The following RALA variants were observed in gnomAD, a reference collection of about 807,000 sequenced individuals.
The protein encoded by RALA is ras-related protein Ral-A.
In RALA, 5 loss-of-function variants were observed where a neutral mutation model predicts 24.0. The observed-to-expected ratio is 0.21, with a 90% CI of 0.11 to 0.44. RALA has a LOEUF of 0.44. Ranked by LOEUF, RALA falls within the 20% of genes least tolerant of loss-of-function variation. RALA has a pLI of 0.99. For missense variants in RALA, 95 were observed against 241.2 expected, an observed-to-expected ratio of 0.39 and a Z score of 4.01; for synonymous variants, 77 against 83.8, an observed-to-expected ratio of 0.92 and a Z score of 0.44.
chr7:39,642,021 G>A (rs1791826305), intron 1 of RALA, among the ~76,000 whole-genome samples: 1 of 152,140 alleles, frequency 6.6e-6, no homozygotes, highest in Admixed American at 6.5e-5. Flanking sequence ...TGTCAGAGTT[G>A]GAACAGCCCT....
intron 1 of RALA, among the ~76,000 whole-genome samples, chr7:39,670,571 C>T (rs1377489844): frequency 1.3e-5 from 2 of 152,162 alleles, no homozygotes; most frequent in Non-Finnish European, 2.9e-5. Flanking sequence ...ATGTATCCTT[C>T]CAGAATTAGC....
chr7:39,688,364 A>G (rs1241648751), intron 2 of RALA, among the ~76,000 whole-genome samples: 1 of 151,260 alleles, frequency 6.6e-6, no homozygotes, highest in Non-Finnish European at 1.5e-5. Context: ...ACTGCATTCC[A>G]GCCTACACAA....
chr7:39,673,325 C>T (rs1792421956), intron 1 of RALA, among the ~76,000 whole-genome samples: 1 of 151,952 alleles, frequency 6.6e-6, no homozygotes, highest in South Asian at 2.1e-4. Flanking sequence ...TTTTAATTTT[C>T]ATAATTAATA....
At chr7:39,680,518 G>A (rs1298239075) in intron 1 of RALA, among the ~76,000 whole-genome samples, 2 of 151,690 alleles carry the variant, frequency 1.3e-5, no homozygotes, top group Non-Finnish European at 2.9e-5. Flanking sequence ...AGAGTTTGCA[G>A]TGAGCCGAGA....
At chr7:39,700,370 A>G (rs1193363240) in intron 4 of RALA, 2 of 152,218 alleles carry the variant, frequency 1.3e-5, no homozygotes, top group African/African-American at 4.8e-5. Flanking sequence ...TTGTTCGCAC[A>G]TGTCTGGCTC....
At chr7:39,638,044 G>T (rs1264128922) in intron 1 of RALA, among the ~76,000 whole-genome samples, 1 of 152,014 alleles carries the variant, frequency 6.6e-6, no homozygotes, top group African/African-American at 2.4e-5. Context: ...CCAGATTCAG[G>T]TTTCCCAGTT....
intron 1 of RALA, among the ~76,000 whole-genome samples, chr7:39,661,910 A>C (rs1407165221): frequency 4.3e-5 from 5 of 117,544 alleles, no homozygotes; most frequent in Non-Finnish European, 1.0e-4. Flanking sequence ...CTGCCTGGAC[A>C]TCCAGGCGTT....
chr7:39,631,509 C>G (rs1791599114), intron 1 of RALA, among the ~76,000 whole-genome samples: 1 of 152,204 alleles, frequency 6.6e-6, no homozygotes, highest in African/African-American at 2.4e-5. Context: ...CAGGTGTGTG[C>G]CACCATGCCC....
intron 1 of RALA, among the ~76,000 whole-genome samples, chr7:39,673,963 G>C (rs1472537892): frequency 1.3e-5 from 2 of 151,930 alleles, no homozygotes; most frequent in Non-Finnish European, 2.9e-5. Flanking sequence ...AGGCAACATA[G>C]TGAGACCTCG....
At chr7:39,697,289 GT>G in intron 4 of RALA, 1 of 441,530 alleles carries the variant, frequency 2.3e-6, no homozygotes. Flanking sequence ...AGATAAGAGC[GT>G]TTTAAAATCT....
chr7:39,662,705 T>C (rs1447862420), intron 1 of RALA, among the ~76,000 whole-genome samples: 4 of 152,240 alleles, frequency 2.6e-5, no homozygotes, highest in Non-Finnish European at 4.4e-5. Context: ...TCAACAAGTC[T>C]GTAGGAAGTT....
intron 4 of RALA, among the ~76,000 whole-genome samples, chr7:39,701,549 T>C (rs1238358679): frequency 2.0e-5 from 3 of 152,196 alleles, no homozygotes; most frequent in Non-Finnish European, 4.4e-5. Flanking sequence ...ATAGCTAGTG[T>C]ATCTCCCATT....
chr7:39,643,876 GAAAGA>G (rs895884337), intron 1 of RALA, among the ~76,000 whole-genome samples: 2 of 151,986 alleles, frequency 1.3e-5, no homozygotes, highest in Non-Finnish European at 2.9e-5. Flanking sequence ...AATAAAGAGA[GAAAGA>G]AAAGAAAAGA....
At chr7:39,661,252 C>G (rs1792183472) in intron 1 of RALA, among the ~76,000 whole-genome samples, 1 of 152,182 alleles carries the variant, frequency 6.6e-6, no homozygotes, top group African/African-American at 2.4e-5. Context: ...CACAACCAAA[C>G]CATGTCATTC....
At chr7:39,679,939 G>T (rs530026731) in intron 1 of RALA, among the ~76,000 whole-genome samples, 8 of 151,974 alleles carry the variant, frequency 5.3e-5, no homozygotes, top group Non-Finnish European at 1.2e-4. Context: ...TCAAACTCCT[G>T]ACCTCATGAT....
At chr7:39,662,889 A>G (rs1792217899) in intron 1 of RALA, among the ~76,000 whole-genome samples, 1 of 152,234 alleles carries the variant, frequency 6.6e-6, no homozygotes. Context: ...TGATAAAGAC[A>G]CATCCAAGAC....
At chr7:39,639,661 C>G (rs1458470619) in intron 1 of RALA, among the ~76,000 whole-genome samples, 1 of 152,194 alleles carries the variant, frequency 6.6e-6, no homozygotes, top group East Asian at 1.9e-4. Flanking sequence ...GTCCTATGAT[C>G]ATAGACTTTA....
intron 1 of RALA, among the ~76,000 whole-genome samples, chr7:39,625,289 A>G (rs1408529742): frequency 6.6e-6 from 1 of 152,208 alleles, no homozygotes; most frequent in African/African-American, 2.4e-5. Context: ...CTCCTCTGAA[A>G]GGTTAAAATT....
At chr7:39,684,178 G>A (rs1287157651) in intron 1 of RALA, among the ~76,000 whole-genome samples, 1 of 152,192 alleles carries the variant, frequency 6.6e-6, no homozygotes, top group Non-Finnish European at 1.5e-5. Flanking sequence ...AGGTAAAAGA[G>A]TGGCTGAATT....
Sources: allele counts gnomAD v4.1 joint callset (sites outside exome capture counted in the v4.1 genomes callset), GRCh38; gene constraint gnomAD v4.1.1; transcripts MANE v1.5; gene names NCBI Gene and HGNC (gene_info 2026-07-23, HGNC 2026-07-21).